The following DRC5 variants were observed in gnomAD, a reference collection of about 807,000 sequenced individuals.
The protein encoded by DRC5 is dynein regulatory complex subunit 5, also known as T-complex-associated testis-expressed protein 1.
the DRC5 span, among the ~76,000 whole-genome samples, chr6:44,292,474 C>T: frequency 6.6e-6 from 1 of 152,218 alleles, no homozygotes; most frequent in African/African-American, 2.4e-5. Context: ...TTCCCCACAC[C>T]CACACTAGAC....
chr6:44,286,985 T>G, the DRC5 span, among the ~76,000 whole-genome samples: 2 of 152,226 alleles, frequency 1.3e-5, no homozygotes, highest in African/African-American at 4.8e-5. Context: ...AACAGGGCTC[T>G]CCCTTTTGGA....
At chr6:44,294,772 C>CAAAAAAAAA in the DRC5 span, among the ~76,000 whole-genome samples, 6 of 88,494 alleles carry the variant, frequency 6.8e-5, no homozygotes, top group South Asian at 4.7e-4. Context: ...AACTCTGTCT[C>CAAAAAAAAA]AAAAAAAAAA....
At chr6:44,284,711 G>A in the DRC5 span, among the ~76,000 whole-genome samples, 1 of 152,086 alleles carries the variant, frequency 6.6e-6, no homozygotes, top group African/African-American at 2.4e-5. Flanking sequence ...GTGCCAGTGT[G>A]GCCAGGTGCA....
the DRC5 span, chr6:44,282,437 A>G: frequency 1.9e-6 from 3 of 1,613,716 alleles, no homozygotes; most frequent in Non-Finnish European, 1.7e-6. Context: ...CACCTCGTGC[A>G]CCACGGTCTC....
the DRC5 span, chr6:44,286,019 G>A: frequency 1.2e-6 from 2 of 1,614,104 alleles, no homozygotes; most frequent in Middle Eastern, 1.7e-4. Flanking sequence ...GTCACGGTAG[G>A]TGAAGAGGAA....
the DRC5 span, chr6:44,280,266 C>T: frequency 1.0e-4 from 168 of 1,614,098 alleles, no homozygotes; most frequent in Non-Finnish European, 1.4e-4. Flanking sequence ...GGCTGCTTCT[C>T]GGTTTGCGTA....
the DRC5 span, among the ~76,000 whole-genome samples, chr6:44,297,242 C>A: frequency 1.3e-5 from 2 of 152,212 alleles, no homozygotes; most frequent in Non-Finnish European, 2.9e-5. Context: ...TCCGCACCCG[C>A]GGGAGGGATT....
the DRC5 span, among the ~76,000 whole-genome samples, chr6:44,296,051 T>C: frequency 2.0e-5 from 3 of 152,230 alleles, no homozygotes; most frequent in Non-Finnish European, 4.4e-5. Context: ...TTTAACACTA[T>C]TGTCCCCATT....
the DRC5 span, chr6:44,286,573 G>GA: frequency 6.5e-7 from 1 of 1,546,526 alleles, no homozygotes; most frequent in Non-Finnish European, 8.8e-7. Context: ...TCACAGTGTT[G>GA]GGGGACACCT....
the DRC5 span, chr6:44,280,449 ATACTACACATTTTCAG>A: frequency 1.6e-6 from 2 of 1,287,100 alleles, no homozygotes; most frequent in Non-Finnish European, 2.2e-6. Context: ...TCTGACACAC[ATACTACACATTTTCAG>A]GTAGATGTGA....
the DRC5 span, among the ~76,000 whole-genome samples, chr6:44,291,415 A>T: frequency 6.6e-6 from 1 of 152,234 alleles, no homozygotes; most frequent in Non-Finnish European, 1.5e-5. Context: ...TTAAAAGGAT[A>T]ACGAGCAAAA....
At chr6:44,284,001 T>A in the DRC5 span, among the ~76,000 whole-genome samples, 3 of 152,218 alleles carry the variant, frequency 2.0e-5, no homozygotes, top group Non-Finnish European at 4.4e-5. Context: ...TGCAACTGGA[T>A]GGAGCCTTAC....
chr6:44,286,036 C>G, the DRC5 span: 1 of 1,614,116 alleles, frequency 6.2e-7, no homozygotes, highest in African/African-American at 1.3e-5. Context: ...GGAAGAGATT[C>G]CACTCGAAAT....
chr6:44,295,834 T>G, the DRC5 span, among the ~76,000 whole-genome samples: 3 of 152,178 alleles, frequency 2.0e-5, no homozygotes, highest in Non-Finnish European at 4.4e-5. Flanking sequence ...CCTCAGTTTC[T>G]TCATCTATAA....
the DRC5 span, among the ~76,000 whole-genome samples, chr6:44,292,237 T>C: frequency 7.4e-4 from 112 of 152,314 alleles, 1 homozygote; most frequent in African/African-American, 2.0e-3. Context: ...TGCAGCCCAG[T>C]TCATGCTGCC....
chr6:44,296,428 G>GGA, the DRC5 span, among the ~76,000 whole-genome samples: 1 of 152,232 alleles, frequency 6.6e-6, no homozygotes, highest in African/African-American at 2.4e-5. Context: ...GAGTGCTGCA[G>GGA]AGTGGTGCTC....
chr6:44,289,022 A>AAAAG, the DRC5 span, among the ~76,000 whole-genome samples: 2 of 136,478 alleles, frequency 1.5e-5, no homozygotes, highest in Admixed American at 7.7e-5. Context: ...AAAAAAAAAA[A>AAAAG]GAAAAACAGG....
chr6:44,287,012 G>T, the DRC5 span, among the ~76,000 whole-genome samples: 1 of 152,220 alleles, frequency 6.6e-6, no homozygotes, highest in Non-Finnish European at 1.5e-5. Flanking sequence ...ATTCCAGTGA[G>T]GGGAGGCTGA....
chr6:44,278,786 G>A, the DRC5 span: 5 of 152,078 alleles, frequency 3.3e-5, no homozygotes, highest in Non-Finnish European at 4.4e-5. Context: ...ATGAAAACCA[G>A]AAAATTAATT....
Sources: gnomAD v4.1 joint callset for allele counts (sites outside exome capture counted in the v4.1 genomes callset) on GRCh38, gnomAD v4.1.1 for gene constraint, MANE v1.5 for transcripts, NCBI Gene and HGNC (gene_info 2026-07-23, HGNC 2026-07-21) for gene names.